Variants in ASCL2 observed in about 807,000 individuals in gnomAD.
ASCL2 encodes the protein achaete-scute family bHLH transcription factor 2, also known as achaete-scute homolog 2.
Under a neutral mutation model 5.1 loss-of-function variants are expected in ASCL2, and 6 were observed. That is an observed-to-expected ratio of 1.17 (90% confidence interval 0.64 to 2.31). The LOEUF is 2.31. Ranked by LOEUF, ASCL2 falls within the 30% of genes most tolerant of loss-of-function variation. The pLI is 0.00. For missense variants in ASCL2, 320 were observed against 310.3 expected, an observed-to-expected ratio of 1.03 and a Z score of -0.23; for synonymous variants, 174 against 157.3, an observed-to-expected ratio of 1.11 and a Z score of -0.80.
Position 2,270,339 on chromosome 11 carries a change from T to G in ASCL2, c.-7A>C, listed in dbSNP as rs1847236038. On this transcript the variant is annotated 5_prime_UTR_variant, in exon 1 of 2. Transcript: ENST00000331289. ...GCAGTGTGCCGCCGTCCATCGCGCCTGCATCCACCCGCCCGCTCCAGGTCC... is the reference window on the plus strand; with the variant it reads ...GCAGTGTGCCGCCGTCCATCGCGCCGGCATCCACCCGCCCGCTCCAGGTCC... 7.8e-7 allele frequency: 1 copy of G among 1,283,278 alleles called. No individual in the cohort carries two copies. Among genetic ancestry groups the G allele is most frequent in the Admixed American group, 4.2e-5 (1 of 23,772 alleles). The allele number at this position is 1,283,278 out of a possible 1,614,324, so 79.5% of individuals were successfully genotyped here. A position where few individuals can be genotyped will look rare whatever the true frequency, so the allele number is the denominator to read the frequency against.
At chr11:2,269,171 CG>C (rs1847218580) in intron 1 of ASCL2, 45 bp from the exon 2 acceptor site, 1 of 151,998 alleles carries the variant, frequency 6.6e-6, no homozygotes, top group South Asian at 2.1e-4. Flanking sequence ...AACGCGGGCG[CG>C]GGCCCGGGGC....
chr11:2,270,286 ACGGGGGGCG>A lies in ASCL2; in HGVS notation c.38_46del (p.Ala13_Pro15del). On this transcript the variant is annotated inframe_deletion, in exon 1 of 2. Transcript: ENST00000331289. ...CCGCCGGGCAGCGCAGCCGACAGGG[ACGGGGGGCG>A]CAGGGGGCGCGGACCTGGGCAGTGT... The A allele has an allele frequency of 7.4e-7, 1 of 1,342,876 alleles. No homozygotes were observed. Among genetic ancestry groups the A allele is most frequent in the Non-Finnish European group, 9.5e-7 (1 of 1,055,158 alleles). The allele number at this position is 1,342,876 out of a possible 1,614,324, so 83.2% of individuals were successfully genotyped here.
Position 2,269,871 on chromosome 11 carries a change from G to A in ASCL2, c.462C>T (p.Gly154=), listed in dbSNP as rs1294456295. The change falls in exon 1 of 2, where the codon GGC becomes GGT. Residue 154 remains glycine, a synonymous_variant. Coordinates refer to ENST00000331289, the MANE Select transcript of ASCL2 (RefSeq NM_005170.3). ...AACGCGGGGAGCCGGGCTCCGAGCT[G>A]CCCCCGCGGCCCGGGGACGAAGAAG... is the stretch of plus-strand genomic sequence containing the variant. ...SRASSSPGRG[G]SSEPGSPRSA... 1.5e-6 allele frequency: 2 copies of A among 1,344,326 alleles called. No homozygotes were observed. Among genetic ancestry groups the A allele is most frequent in the African/African-American group, 1.5e-5 (1 of 65,228 alleles). The allele number at this position is 1,344,326 out of a possible 1,614,324, so 83.3% of individuals were successfully genotyped here.
rs763836932 is a variant in ASCL2, at chr11:2,270,234, G to C, written c.99C>G (p.Arg33=). Residue 33 remains arginine, a synonymous_variant, in exon 1 of 2, where the codon CGC becomes CGG. Coordinates refer to ENST00000331289, the MANE Select transcript of ASCL2 (RefSeq NM_005170.3). The stretch of plus-strand genomic sequence containing the variant: ...TGGCCGGTCGCCGCCGCCGGCTGCA[G>C]CGCAACAGTTCCGGGGACGCGGGTC... ...RRRPASPELL[R]CSRRRRPATA... 47 of 1,444,750 alleles carry C rather than the reference G, an allele frequency of 3.3e-5. No individual in the cohort carries two copies. Among genetic ancestry groups the C allele is most frequent in the Non-Finnish European group, 4.0e-5 (44 of 1,105,694 alleles). 89.5% of individuals were successfully genotyped at this position (1,444,750 alleles called of 1,614,324 possible).
At position 2,269,820 on chromosome 11, in the gene ASCL2, G is replaced by C; in HGVS notation, c.513C>G (p.Gly171=). 1 of 1,425,716 alleles carries C rather than the reference G, an allele frequency of 7.0e-7. No homozygotes were observed. The allele number at this position is 1,425,716 out of a possible 1,614,324, so 88.3% of individuals were successfully genotyped here. A position where few individuals can be genotyped will look rare whatever the true frequency, so the allele number is the denominator to read the frequency against. ...CCGCAGGACTCAGCGCGCCTTCGCA[G>C]CCGCTGTCGTCCGACGAGTAGGCGG... ...PRSAYSSDDS[G]CEGALSPAER... The change falls in exon 1 of 2, where the codon GGC becomes GGG. Residue 171 remains glycine (G), a synonymous_variant. Coordinates refer to ENST00000331289, the MANE Select transcript of ASCL2 (RefSeq NM_005170.3).
intron 1 of ASCL2, among the ~76,000 whole-genome samples, chr11:2,269,518 C>T (rs1847223486): frequency 6.6e-6 from 1 of 152,200 alleles, no homozygotes; most frequent in South Asian, 2.1e-4. Context: ...GGCTGAGCCG[C>T]GAGGGGAAGT....
chr11:2,269,682 C>CGG, intron 1 of ASCL2, 51 bp downstream of exon 1: 11 of 560,222 alleles, frequency 2.0e-5, no homozygotes, highest in Non-Finnish European at 2.5e-5. Flanking sequence ...CCCACCCCGT[C>CGG]CCTCCACCCC....
intron 1 of ASCL2, 62 bp downstream of exon 1, chr11:2,269,671 G>GGCCC: frequency 2.6e-4 from 273 of 1,042,022 alleles, no homozygotes; most frequent in Non-Finnish European, 3.0e-4. Flanking sequence ...CGCCGGGCCT[G>GGCCC]CCCACCCCGT....
chr11:2,269,922 G>C lies in ASCL2; in HGVS notation c.411C>G (p.Thr137=), dbSNP rs548309623. 7.8e-7 allele frequency: 1 copy of C among 1,285,848 alleles called. No homozygotes were observed. Among genetic ancestry groups the C allele is most frequent in the Non-Finnish European group, 9.9e-7 (1 of 1,012,994 alleles). 79.7% of individuals were successfully genotyped at this position (1,285,848 alleles called of 1,614,324 possible). A position where few individuals can be genotyped will look rare whatever the true frequency, so the allele number is the denominator to read the frequency against. The change falls in exon 1 of 2, where the codon ACC becomes ACG. Residue 137 remains threonine (T), a synonymous_variant. Transcript: ENST00000331289. The part of the protein sequence containing the change: ...PSAPRGPPGT[T]PVAASPSRAS... ...CGCGGGAGGGCGAGGCGGCGACCGGGGTGGTCCCTGGCGGCCCGCGGGGCG... is the reference window on the plus strand; with the variant it reads ...CGCGGGAGGGCGAGGCGGCGACCGGCGTGGTCCCTGGCGGCCCGCGGGGCG...
In ASCL2 at chr11:2,270,085, C is replaced by A; in HGVS notation, c.248G>T (p.Ser83Ile). The part of the protein sequence containing the change: ...LRQHVPHGGA[S>I]KKLSKVETLR... ...CGTCTCCACCTTGCTCAGCTTCTTG[C>A]TGGCGCCGCCGTGCGGCACGTGCTG... The change falls in exon 1 of 2, where the codon AGC becomes ATC. Residue 83 changes from serine to isoleucine, a missense_variant. Ser to Ile is a moderately radical substitution (Grantham distance 142). Transcript: ENST00000331289. 6.7e-7 allele frequency: 1 copy of A among 1,497,802 alleles called. No individual in the cohort carries two copies. The highest frequency in any genetic ancestry group is 2.2e-5 in the Admixed American group (1 of 44,904). 92.8% of individuals were successfully genotyped at this position (1,497,802 alleles called of 1,614,324 possible).
Position 2,270,262 on chromosome 11 carries a change from C to A in ASCL2, c.71G>T (p.Arg24Leu). Residue 24 changes from arginine to leucine, a missense_variant, in exon 1 of 2, where the codon CGG becomes CTG. Arg to Leu is a moderately radical substitution (Grantham distance 102, BLOSUM62 -2). Coordinates refer to ENST00000331289, the MANE Select transcript of ASCL2 (RefSeq NM_005170.3). Reference sequence around the variant, plus strand: ...CAACAGTTCCGGGGACGCGGGTCTCCGCCGGGCAGCGCAGCCGACAGGGAC... The same window carrying A: ...CAACAGTTCCGGGGACGCGGGTCTCAGCCGGGCAGCGCAGCCGACAGGGAC... Reference protein sequence around the residue: ...PPVPVGCAARRRPASPELLRC... With the variant: ...PPVPVGCAARLRPASPELLRC... 7.3e-7 allele frequency: 1 copy of A among 1,374,028 alleles called. No individual in the cohort carries two copies. The highest frequency in any genetic ancestry group is 9.3e-7 in the Non-Finnish European group (1 of 1,071,154). The allele number at this position is 1,374,028 out of a possible 1,614,324, so 85.1% of individuals were successfully genotyped here.
chr11:2,269,778 G>A lies in ASCL2; in HGVS notation c.555C>T (p.Asp185=). The A allele has an allele frequency of 6.9e-7, 1 of 1,448,864 alleles. No individual in the cohort carries two copies. The highest frequency in any genetic ancestry group is 9.1e-7 in the Non-Finnish European group (1 of 1,095,404). The allele number at this position is 1,448,864 out of a possible 1,614,324, so 89.8% of individuals were successfully genotyped here. A position where few individuals can be genotyped will look rare whatever the true frequency, so the allele number is the denominator to read the frequency against. Residue 185 remains aspartate (D), a synonymous_variant, in exon 1 of 2, where the codon GAC becomes GAT. Transcript: ENST00000331289. The part of the protein sequence containing the change: ...ALSPAERELL[D]FSSWLGGY ...AGTAGCCCCCTAACCAGCTGGAGAA[G>A]TCGAGTAGCTCGCGCTCCGCAGGAC...
At chr11:2,269,675 A>T in intron 1 of ASCL2, 58 bp downstream of exon 1, 5 of 576,832 alleles carry the variant, frequency 8.7e-6, no homozygotes, top group Non-Finnish European at 1.3e-5. Context: ...GGGCCTGCCC[A>T]CCCCGTCCCT....
In ASCL2 at chr11:2,268,703, G is replaced by A. The variant is rs1171236549; in HGVS notation, c.*442C>T. On this transcript the variant is annotated 3_prime_UTR_variant, in exon 2 of 2. Coordinates refer to ENST00000331289, the MANE Select transcript of ASCL2 (RefSeq NM_005170.3). This position sits in a 1 kb window ranked among gnomAD's most constrained non-coding sequence, Gnocchi z 4.5. ...GAAAACTCCAGATAGTGGGGGCAGG[G>A]GTCCAGGTCATCTTTATTACGCCCC... 1 of 152,344 alleles carries A rather than the reference G, an allele frequency of 6.6e-6. No individual in the cohort carries two copies. The highest frequency in any genetic ancestry group is 6.5e-5 in the Admixed American group (1 of 15,284). 9.4% of individuals were successfully genotyped at this position (152,344 alleles called of 1,614,324 possible).
In ASCL2 at chr11:2,270,284, G is replaced by C; in HGVS notation, c.49C>G (p.Pro17Ala). The C allele has an allele frequency of 7.4e-7, 1 of 1,343,960 alleles. No homozygotes were observed. Among genetic ancestry groups the C allele is most frequent in the Middle Eastern group, 2.7e-4 (1 of 3,652 alleles). 83.3% of individuals were successfully genotyped at this position (1,343,960 alleles called of 1,614,324 possible). A position where few individuals can be genotyped will look rare whatever the true frequency, so the allele number is the denominator to read the frequency against. ...CTCCGCCGGGCAGCGCAGCCGACAG[G>C]GACGGGGGGCGCAGGGGGCGCGGAC... ...PRSAPPAPPV[P>A]VGCAARRRPA... The change falls in exon 1 of 2, where the codon CCT becomes GCT. Residue 17 changes from proline (P) to alanine (A), a missense_variant. Pro to Ala is a conservative substitution (Grantham distance 27). Coordinates refer to ENST00000331289, the MANE Select transcript of ASCL2 (RefSeq NM_005170.3).
intron 1 of ASCL2, among the ~76,000 whole-genome samples, 180 bp from the exon 2 acceptor site, chr11:2,269,306 G>A (rs936402425): frequency 6.6e-6 from 1 of 151,742 alleles, no homozygotes; most frequent in African/African-American, 2.4e-5. Context: ...CACGGCGGGG[G>A]CGGGGCGGGC....
In ASCL2 at chr11:2,270,301, G is replaced by C; in HGVS notation, c.32C>G (p.Pro11Arg). 7.5e-7 allele frequency: 1 copy of C among 1,335,178 alleles called. No homozygotes were observed. The highest frequency in any genetic ancestry group is 9.5e-7 in the Non-Finnish European group (1 of 1,050,410). 82.7% of individuals were successfully genotyped at this position (1,335,178 alleles called of 1,614,324 possible). ...GCCGACAGGGACGGGGGGCGCAGGGGGCGCGGACCTGGGCAGTGTGCCGCC... is the reference window on the plus strand; with the variant it reads ...GCCGACAGGGACGGGGGGCGCAGGGCGCGCGGACCTGGGCAGTGTGCCGCC... MDGGTLPRSA[P>R]PAPPVPVGCA... Residue 11 changes from proline (P) to arginine (R), a missense_variant, in exon 1 of 2, where the codon CCC becomes CGC. Coordinates refer to ENST00000331289, the MANE Select transcript of ASCL2 (RefSeq NM_005170.3).
At position 2,269,003 on chromosome 11, in the gene ASCL2, G is replaced by A. The variant is rs1219338413; in HGVS notation, c.*142C>T. The A allele has an allele frequency of 1.3e-5, 2 of 148,696 alleles. No homozygotes were observed. The highest frequency in any genetic ancestry group is 2.5e-5 in the African/African-American group (1 of 40,298). The allele number at this position is 148,696 out of a possible 1,614,324, so 9.2% of individuals were successfully genotyped here. ...GGCTGGGCCGGACGAACGAGGCGGC[G>A]TCGGCGGTGCGGGGGGTGGTGGGTG... On this transcript the variant is annotated 3_prime_UTR_variant, in exon 2 of 2. Coordinates refer to ENST00000331289, the MANE Select transcript of ASCL2 (RefSeq NM_005170.3).
At position 2,270,435 on chromosome 11, in the gene ASCL2, C is replaced by A. The variant is rs1201729215; in HGVS notation, c.-103G>T. ...GGAAAACTGTGGCGCCCCAAGGGGG[C>A]TTCTGGCACGGCGCCGCCAGGCAAC... On this transcript the variant is annotated 5_prime_UTR_variant, in exon 1 of 2. Coordinates refer to ENST00000331289, the MANE Select transcript of ASCL2 (RefSeq NM_005170.3). The A allele has an allele frequency of 8.0e-7, 1 of 1,252,670 alleles. No individual in the cohort carries two copies. Among genetic ancestry groups the A allele is most frequent in the East Asian group, 3.3e-5 (1 of 30,740 alleles). 77.6% of individuals were successfully genotyped at this position (1,252,670 alleles called of 1,614,324 possible).
Sources: allele counts gnomAD v4.1 joint callset (sites outside exome capture counted in the v4.1 genomes callset), GRCh38; gene constraint gnomAD v4.1.1; non-coding constraint Gnocchi (gnomAD v3.1); transcripts MANE v1.5; gene names NCBI Gene and HGNC (gene_info 2026-07-23, HGNC 2026-07-21).